The following TFRC variants were observed in gnomAD, a reference collection of about 807,000 sequenced individuals.
TFRC encodes transferrin receptor, also known as transferrin receptor protein 1.
Under a neutral mutation model 85.8 loss-of-function variants are expected in TFRC, and 35 were observed. The observed-to-expected ratio is 0.41, with a 90% confidence interval of 0.31 to 0.54. TFRC has a LOEUF of 0.54. Ranked by LOEUF, TFRC falls within the 20% of genes least tolerant of loss-of-function variation. TFRC has a pLI of 0.31. For missense variants in TFRC, 828 were observed against 921.5 expected (o/e 0.90, Z 1.31); for synonymous variants, 362 against 328.6 (o/e 1.10, Z -1.10).
In TFRC at chr3:196,071,317, A is replaced by G. The variant is rs184029397; in HGVS notation, c.687+79T>C. Reference sequence around the variant, plus strand: ...TCATTTACATTTTACAGGTAAATTTATAACTCCTAAGAACAGAAAAGATGA... The same window carrying G: ...TCATTTACATTTTACAGGTAAATTTGTAACTCCTAAGAACAGAAAAGATGA... On this transcript the variant is annotated intron_variant, in intron 6 of 18. Coordinates refer to ENST00000360110, the MANE Select transcript of TFRC (RefSeq NM_001128148.3). The G allele has an allele frequency of 4.3e-4, 595 of 1,370,386 alleles. 2 individuals are homozygous for G. Among genetic ancestry groups the G allele is most frequent in the Non-Finnish European group, 1.3e-4 (128 of 974,490 alleles). The allele number at this position is 1,370,386 out of a possible 1,614,324, so 84.9% of individuals were successfully genotyped here. A position where few individuals can be genotyped will look rare whatever the true frequency, so the allele number is the denominator to read the frequency against.
chr3:196,073,816 G>C (rs752593356), intron 4 of TFRC, 114 bp downstream of exon 4: 11 of 1,128,900 alleles, frequency 9.7e-6, no homozygotes, highest in Non-Finnish European at 1.2e-5. Flanking sequence ...AACATGACAA[G>C]TCTTGTCTTC....
In TFRC at chr3:196,065,428, G is replaced by T. The variant is rs767161467; in HGVS notation, c.1198+15C>A. 6.4e-5 allele frequency: 43 copies of T among 675,938 alleles called. 1 individual carries two copies. Among genetic ancestry groups the T allele is most frequent in the Non-Finnish European group, 8.1e-5 (40 of 493,298 alleles). The allele number at this position is 675,938 out of a possible 1,614,324, so 41.9% of individuals were successfully genotyped here. ...AAAAAAAAGCGGGGCGGGGGGGGGG[G>T]GGGGCGGTCTTTACCTGGTTCTACA... On this transcript the variant is annotated intron_variant, in intron 10 of 18. Transcript: ENST00000360110.
At chr3:196,063,022 G>A (rs1373199321) in intron 11 of TFRC, 83 bp from the exon 12 acceptor site, 1 of 1,112,532 alleles carries the variant, frequency 9.0e-7, no homozygotes, top group Non-Finnish European at 1.3e-6. Flanking sequence ...AGATGAATCA[G>A]AAGGTCTAAT....
intron 4 of TFRC, among the ~76,000 whole-genome samples, chr3:196,073,227 T>C (rs1718376502): frequency 7.4e-6 from 1 of 135,204 alleles, no homozygotes; most frequent in Non-Finnish European, 1.6e-5. Flanking sequence ...TCAAAATAAA[T>C]AAGTAAATAA....
chr3:196,080,493 C>T (rs768308855), intron 1 of TFRC, among the ~76,000 whole-genome samples: 6 of 152,238 alleles, frequency 3.9e-5, no homozygotes, highest in Non-Finnish European at 7.3e-5. Flanking sequence ...CCTGCCTTGG[C>T]CTCCCAAAGT....
In TFRC at chr3:196,055,300, T is replaced by C; in HGVS notation, c.1679A>G (p.Asp560Gly). ...IPAVSFCFCE[D>G]TDYPYLGTTM... ...GGTACCCAAATAAGGATAATCTGTG[T>C]CCTGCAAGACAACGCGAGGCTATGG... The change falls in exon 17 of 19, where the codon GAC (aspartate) becomes GGC (glycine). Residue 560 changes from aspartate (D) to glycine (G), a missense_variant and splice_region_variant. By Grantham distance (94) the Asp-to-Gly change is moderately conservative. Transcript: ENST00000360110. The C allele has an allele frequency of 6.2e-7, 1 of 1,613,402 alleles. No homozygotes were observed. The highest frequency in any genetic ancestry group is 8.5e-7 in the Non-Finnish European group (1 of 1,179,276).
At position 196,052,138 on chromosome 3, in the gene TFRC, G is replaced by A; in HGVS notation, c.2087C>T (p.Pro696Leu). 6.2e-7 allele frequency: 1 copy of A among 1,614,116 alleles called. No homozygotes were observed. The highest frequency in any genetic ancestry group is 8.5e-7 in the Non-Finnish European group (1 of 1,180,030). ...GGAGCCCCAGAAGACATGTCGGAAA[G>A]GAGACTCTTTTGGAGATACGTAGGG... ...LSPYVSPKESPFRHVFWGSGS... is the reference protein window; with the variant it reads ...LSPYVSPKESLFRHVFWGSGS... The change falls in exon 19 of 19, where the codon CCT (proline) becomes CTT (leucine). Residue 696 changes from proline (P) to leucine (L), a missense_variant. Pro to Leu is a moderately conservative substitution (Grantham distance 98, BLOSUM62 -3). Coordinates refer to ENST00000360110, the MANE Select transcript of TFRC (RefSeq NM_001128148.3).
At position 196,075,324 on chromosome 3, in the gene TFRC, G is replaced by C. The variant is rs764168903; in HGVS notation, c.73C>G (p.Leu25Val). The C allele has an allele frequency of 5.6e-6, 9 of 1,614,016 alleles. No homozygotes were observed. Reference sequence around the variant, plus strand: ...TTATCGCCATCTACTTGCCGAGCCAGGCTGAACCGGGTATATGACAATGGT... The same window carrying C: ...TTATCGCCATCTACTTGCCGAGCCACGCTGAACCGGGTATATGACAATGGT... ...GEPLSYTRFS[L>V]ARQVDGDNSH... is the part of the protein sequence containing the mutation. The change falls in exon 3 of 19, where the codon CTG (leucine) becomes GTG (valine). Residue 25 changes from leucine to valine, a missense_variant. Physicochemically the swap from Leu to Val is conservative, Grantham distance 32. Coordinates refer to ENST00000360110, the MANE Select transcript of TFRC (RefSeq NM_001128148.3).
At chr3:196,055,685 C>T (rs1716722222) in intron 16 of TFRC, 1 of 297,612 alleles carries the variant, frequency 3.4e-6, no homozygotes, top group Admixed American at 4.8e-5. Flanking sequence ...CTCTGTCACC[C>T]AGGCTAGAGT....
chr3:196,081,638 G>A lies in TFRC; in HGVS notation c.-24+405C>T, dbSNP rs573711212. 4.6e-5 allele frequency among the ~76,000 whole-genome samples: 7 copies of A among 152,336 alleles called. No individual in the cohort carries two copies. In the East Asian group the frequency reaches 7.7e-4, roughly 17 times the overall value. On this transcript the variant is annotated intron_variant, in intron 1 of 18. Transcript: ENST00000360110. ...CCGCAGCCCGGAGCCGGCGCACTAG[G>A]GCCTGCGGCCTTCAAGGGCGAGGAC... is the stretch of plus-strand genomic sequence containing the variant.
chr3:196,070,237 C>T (rs1042801233), intron 6 of TFRC, among the ~76,000 whole-genome samples: 3 of 151,826 alleles, frequency 2.0e-5, no homozygotes, highest in South Asian at 2.1e-4. Context: ...AAGGTATCCA[C>T]TAGAGATACG....
chr3:196,077,888 C>A (rs961506704), intron 1 of TFRC, among the ~76,000 whole-genome samples: 1 of 152,120 alleles, frequency 6.6e-6, no homozygotes, highest in African/African-American at 2.4e-5. Flanking sequence ...ATGAATAGTT[C>A]CTACAAGTGA....
rs563942755 is a variant in TFRC at position 196,068,124 on chromosome 3, T to G, written c.808A>C (p.Asn270His). Residue 270 changes from asparagine to histidine, a missense_variant, in exon 8 of 19, where the codon AAT becomes CAT. By Grantham distance (68) the Asn-to-His change is moderately conservative. Coordinates refer to ENST00000360110, the MANE Select transcript of TFRC (RefSeq NM_001128148.3). ...GKITFAEKVA[N>H]AESLNAIGVL... Reference sequence around the variant, plus strand: ...CCAATTGCATTTAAGCTTTCAGCATTTGCAACCTAAAAGAAAACATATAAA... The same window carrying G: ...CCAATTGCATTTAAGCTTTCAGCATGTGCAACCTAAAAGAAAACATATAAA... 1.2e-6 allele frequency: 2 copies of G among 1,610,932 alleles called. No homozygotes were observed. Among genetic ancestry groups the G allele is most frequent in the Non-Finnish European group, 8.5e-7 (1 of 1,178,586 alleles).
Position 196,075,314 on chromosome 3 carries a change from T to C in TFRC, c.83A>G (p.Gln28Arg), listed in dbSNP as rs761118538. 4.3e-6 allele frequency: 7 copies of C among 1,614,150 alleles called. No individual in the cohort carries two copies. Among genetic ancestry groups the C allele is most frequent in the Non-Finnish European group, 5.1e-6 (6 of 1,180,034 alleles). The change falls in exon 3 of 19, where the codon CAA becomes CGA. Residue 28 changes from glutamine (Q) to arginine (R), a missense_variant. Gln to Arg is a conservative substitution (Grantham distance 43, BLOSUM62 1). Transcript: ENST00000360110. ...CACATGACTGTTATCGCCATCTACT[T>C]GCCGAGCCAGGCTGAACCGGGTATA... is the stretch of plus-strand genomic sequence containing the variant. ...LSYTRFSLAR[Q>R]VDGDNSHVEM...
At chr3:196,060,084 T>C in intron 14 of TFRC, 96 bp downstream of exon 14, 1 of 930,992 alleles carries the variant, frequency 1.1e-6, no homozygotes, top group Non-Finnish European at 1.6e-6. Context: ...TTCCTATTTT[T>C]TGTTACTGAC....
chr3:196,057,070 T>C (rs1258303198), intron 16 of TFRC, among the ~76,000 whole-genome samples: 3 of 152,206 alleles, frequency 2.0e-5, no homozygotes, highest in Non-Finnish European at 2.9e-5. Flanking sequence ...TCCGCCTTCC[T>C]TGGCCTCCCA....
chr3:196,065,696 CA>C (rs1717682337), intron 9 of TFRC, 96 bp from the exon 10 acceptor site: 1 of 1,368,396 alleles, frequency 7.3e-7, no homozygotes, highest in Non-Finnish European at 9.7e-7. Context: ...GACATATAAA[CA>C]AAACTTACTC....
chr3:196,055,938 T>C (rs1206908793), intron 16 of TFRC, among the ~76,000 whole-genome samples: 2 of 151,784 alleles, frequency 1.3e-5, no homozygotes, highest in Non-Finnish European at 2.9e-5. Flanking sequence ...GAGGTCACTC[T>C]GTCACCCAGG....
rs757220312 is a variant in TFRC at position 196,072,037 on chromosome 3, C to T, written c.550G>A (p.Asp184Asn). The T allele has an allele frequency of 1.7e-5, 27 of 1,613,428 alleles. No homozygotes were observed. Among genetic ancestry groups the T allele is most frequent in the Non-Finnish European group, 2.2e-5 (26 of 1,179,904 alleles). The change falls in exon 5 of 19, where the codon GAT (aspartate) becomes AAT (asparagine). Residue 184 changes from aspartate to asparagine, a missense_variant. Transcript: ENST00000360110. ...ACCTGAATCTTAACAAAATGTTGAT[C>T]ACGCCAGACTTTGCTGAGTTTAAAT... ...REFKLSKVWR[D>N]QHFVKIQVKD...
Sources: gnomAD v4.1 joint callset for allele counts (sites outside exome capture counted in the v4.1 genomes callset) on GRCh38, gnomAD v4.1.1 for gene constraint, MANE v1.5 for transcripts, NCBI Gene and HGNC (gene_info 2026-07-23, HGNC 2026-07-21) for gene names.